Variants in FKBP9 observed in about 807,000 individuals in gnomAD.
FKBP9 encodes peptidyl-prolyl cis-trans isomerase FKBP9.
A neutral mutation model predicts 55.6 loss-of-function variants in FKBP9; 27 were observed. The ratio of observed to expected loss-of-function variants is 0.49; its 90% CI spans 0.36 to 0.67. The LOEUF (loss-of-function observed/expected upper bound fraction) is 0.67, where lower values mean the gene tolerates loss of function less well. Among genes scored for constraint, FKBP9 ranks in the 30% least tolerant of loss-of-function variants. The pLI is 0.00. For synonymous variants in FKBP9, 267 were observed against 296.5 expected (o/e 0.90, Z 1.02); for missense variants, 539 against 742.8 (o/e 0.73, Z 3.19).
chr7:32,975,141 G>A (rs540073860), intron 2 of FKBP9, 41 bp from the exon 3 acceptor site: 1 of 1,545,944 alleles, frequency 6.5e-7, no homozygotes, highest in Admixed American at 1.7e-5. Context: ...TGGCCTGAAA[G>A]GCAGCAACTG....
chr7:32,962,775 C>T (rs1182417271), intron 1 of FKBP9, among the ~76,000 whole-genome samples: 1 of 151,722 alleles, frequency 6.6e-6, no homozygotes, highest in African/African-American at 2.4e-5. Flanking sequence ...ACAGAAATCT[C>T]TGCCCTCATG....
intron 5 of FKBP9, among the ~76,000 whole-genome samples, chr7:32,981,411 T>C (rs902167574): frequency 6.6e-6 from 1 of 152,194 alleles, no homozygotes; most frequent in African/African-American, 2.4e-5. Context: ...AGTTTTGTTT[T>C]GTTTATCAGC....
At position 33,002,577 on chromosome 7, in the gene FKBP9, C is replaced by T; in HGVS notation, c.1373-99C>T. On this transcript the variant is annotated intron_variant, in intron 8 of 9. Coordinates refer to ENST00000242209, the MANE Select transcript of FKBP9 (RefSeq NM_007270.5). ...TTTCTTGCTTTGGTCAGAAGTCCCA[C>T]TCTGAGTGAGGCTGCTGGAGGTTGG... The T allele has an allele frequency of 2.0e-6, 3 of 1,528,174 alleles. No homozygotes were observed. The East Asian group carries it at 7.2e-5, about 36-fold the overall frequency. The allele number at this position is 1,528,174 out of a possible 1,614,324, so 94.7% of individuals were successfully genotyped here. A position where few individuals can be genotyped will look rare whatever the true frequency, so the allele number is the denominator to read the frequency against.
At chr7:32,990,861 T>C (rs1306828823) in intron 6 of FKBP9, among the ~76,000 whole-genome samples, 1 of 152,238 alleles carries the variant, frequency 6.6e-6, no homozygotes, top group African/African-American at 2.4e-5. Flanking sequence ...TTCCCAGTAG[T>C]GTTCATCCCA....
chr7:32,976,131 G>A (rs1461778295), intron 3 of FKBP9, among the ~76,000 whole-genome samples: 1 of 152,156 alleles, frequency 6.6e-6, no homozygotes, highest in Non-Finnish European at 1.5e-5. Flanking sequence ...GGAATAGCTG[G>A]CCTGTTTTTG....
intron 3 of FKBP9, 66 bp downstream of exon 3, chr7:32,975,437 A>C: frequency 7.2e-7 from 1 of 1,381,748 alleles, no homozygotes; most frequent in East Asian, 2.3e-5. Context: ...CTTCTGTCTT[A>C]CTTGCTTTTT....
chr7:32,958,653 C>T (rs1024033432), intron 1 of FKBP9, among the ~76,000 whole-genome samples: 1 of 150,062 alleles, frequency 6.7e-6, no homozygotes, highest in East Asian at 2.0e-4. Flanking sequence ...AGAGAGAGAT[C>T]CCATCACAAA....
At position 32,957,810 on chromosome 7, in the gene FKBP9, C is replaced by G. The variant is rs1230134675; in HGVS notation, c.221+16C>G. The G allele has an allele frequency of 7.0e-7, 1 of 1,422,900 alleles. No homozygotes were observed. Among genetic ancestry groups the G allele is most frequent in the South Asian group, 1.5e-5 (1 of 65,806 alleles). The allele number at this position is 1,422,900 out of a possible 1,614,324, so 88.1% of individuals were successfully genotyped here. On this transcript the variant is annotated intron_variant, in intron 1 of 9. Transcript: ENST00000242209. ...TCGACTCCAGGTACCGCGCCCTTGGCGCCCGGCGCGGCCTCAGCGGATGCG... is the reference window on the plus strand; with the variant it reads ...TCGACTCCAGGTACCGCGCCCTTGGGGCCCGGCGCGGCCTCAGCGGATGCG...
chr7:32,978,202 GTGAA>G (rs1784403250), intron 4 of FKBP9, among the ~76,000 whole-genome samples: 2 of 151,746 alleles, frequency 1.3e-5, no homozygotes, highest in Non-Finnish European at 2.9e-5. Flanking sequence ...GATTACAGGT[GTGAA>G]CCACTGTGCC....
rs2953557 is a variant in FKBP9 at position 32,974,792 on chromosome 7, G to T, written c.367+30G>T. On this transcript the variant is annotated intron_variant, in intron 2 of 9. Transcript: ENST00000242209. ...GCTTTTCTTCCTCGTTTATAAACAC[G>T]TCAGCAGAAACAATGAGAACACTTT... 4.5e-4 allele frequency: 700 copies of T among 1,572,130 alleles called. 2 individuals are homozygous for T. The highest frequency in any genetic ancestry group is 5.6e-4 in the Non-Finnish European group (638 of 1,146,338).
intron 1 of FKBP9, among the ~76,000 whole-genome samples, chr7:32,966,759 C>T (rs1315660521): frequency 6.6e-6 from 1 of 151,966 alleles, no homozygotes; most frequent in African/African-American, 2.4e-5. Context: ...GATTTATAGT[C>T]ATGGTGGAAG....
rs772499733 is a variant in FKBP9 at position 32,975,269 on chromosome 7, C to T, written c.455C>T (p.Thr152Ile). The T allele has an allele frequency of 2.5e-6, 4 of 1,613,644 alleles. No homozygotes were observed. The highest frequency in any genetic ancestry group is 2.7e-5 in the African/African-American group (2 of 74,916). The change falls in exon 3 of 10, where the codon ACC becomes ATC. Residue 152 changes from threonine (T) to isoleucine (I), a missense_variant. Coordinates refer to ENST00000242209, the MANE Select transcript of FKBP9 (RefSeq NM_007270.5). ...WNSEDQVQIHTYFKPPSCPRT... is the reference protein window; with the variant it reads ...WNSEDQVQIHIYFKPPSCPRT... ...TCTGAAGACCAGGTTCAGATTCACA[C>T]CTATTTCAAGCCCCCGAGTTGCCCT...
At chr7:33,002,422 C>T (rs1784951318) in intron 8 of FKBP9, among the ~76,000 whole-genome samples, 3 of 152,172 alleles carry the variant, frequency 2.0e-5, no homozygotes, top group Admixed American at 2.0e-4. Flanking sequence ...CGTGAGCCAC[C>T]ATGCCTGGCC....
At chr7:32,975,451 C>CTGAT in intron 3 of FKBP9, 80 bp downstream of exon 3, 1 of 1,131,752 alleles carries the variant, frequency 8.8e-7, no homozygotes, top group Non-Finnish European at 1.3e-6. Flanking sequence ...GCTTTTTATG[C>CTGAT]TGATGGGGAT....
intron 1 of FKBP9, among the ~76,000 whole-genome samples, chr7:32,962,397 A>AAACT (rs552232563): frequency 6.6e-6 from 1 of 152,258 alleles, no homozygotes; most frequent in East Asian, 1.9e-4. Flanking sequence ...TCCTTCTCAA[A>AAACT]AACTAACTAA....
intron 6 of FKBP9, among the ~76,000 whole-genome samples, chr7:32,992,172 C>T (rs1288124029): frequency 6.6e-5 from 10 of 152,156 alleles, no homozygotes. Flanking sequence ...AACCAGAAGT[C>T]CTAGAGCTCT....
chr7:32,963,820 G>C, intron 1 of FKBP9: 2 of 1,174,072 alleles, frequency 1.7e-6, no homozygotes, highest in Non-Finnish European at 2.1e-6. Context: ...TCCAGCACCA[G>C]CGCCGACAAA....
Position 32,957,709 on chromosome 7 carries a change from G to A in FKBP9, c.136G>A (p.Glu46Lys), listed in dbSNP as rs753655165. 66 of 1,543,612 alleles carry A rather than the reference G, an allele frequency of 4.3e-5. No homozygotes were observed. Among genetic ancestry groups the A allele is most frequent in the Non-Finnish European group, 5.1e-5 (59 of 1,153,852 alleles). ...GATCGAGCGGCGCTTCGTGCCCGAC[G>A]AGTGCCCGCGCACCGTGCGCAGCGG... ...LQIERRFVPD[E>K]CPRTVRSGDF... The change falls in exon 1 of 10, where the codon GAG (glutamate) becomes AAG (lysine). Residue 46 changes from glutamate (E) to lysine (K), a missense_variant. Transcript: ENST00000242209.
In FKBP9 at chr7:32,977,893, A is replaced by ATG. The variant is rs1203964065; in HGVS notation, c.703+1394_703+1395insTG. Among the ~76,000 whole-genome samples the ATG allele has an allele frequency of 2.9e-5, 4 of 136,870 alleles. No homozygotes were observed. The Admixed American group carries it at 3.0e-4, about 10-fold the overall frequency. 89.8% of individuals were successfully genotyped at this position (136,870 alleles called of 152,430 possible). A position where few individuals can be genotyped will look rare whatever the true frequency, so the allele number is the denominator to read the frequency against. Reference sequence around the variant, plus strand: ...CCCATATATATATATGTATATATACACTCATATATATATACTCATATATAT... The same window carrying ATG: ...CCCATATATATATATGTATATATACATGCTCATATATATATACTCATATATAT... On this transcript the variant is annotated intron_variant, in intron 4 of 9. Transcript: ENST00000242209.
Sources: allele counts gnomAD v4.1 joint callset (sites outside exome capture counted in the v4.1 genomes callset), GRCh38; gene constraint gnomAD v4.1.1; transcripts MANE v1.5; gene names NCBI Gene and HGNC (gene_info 2026-07-23, HGNC 2026-07-21).